ZNF385A: variants seen among roughly 807,000 people sequenced by gnomAD.
ZNF385A encodes zinc finger protein 385A.
ZNF385A carries 14 observed loss-of-function variants against 32.1 expected under a neutral mutation model. The observed-to-expected ratio is 0.44, with a 90% confidence interval of 0.29 to 0.68. ZNF385A has a LOEUF of 0.68. Among genes scored for constraint, ZNF385A ranks in the 30% least tolerant of loss-of-function variants. ZNF385A has a pLI of 0.14. For synonymous variants in ZNF385A, 197 were observed against 202.7 expected (o/e 0.97, Z 0.24); for missense variants, 406 against 478.4 (o/e 0.85, Z 1.41).
Position 54,371,567 on chromosome 12 carries a change from G to GC in ZNF385A, c.509dup (p.Ser170ArgfsTer28). On this transcript the variant is annotated frameshift_variant, in exon 4 of 7. Coordinates refer to ENST00000394313, the MANE Select transcript of ZNF385A (RefSeq NM_015481.3). LOFTEE classifies it high-confidence loss of function. ...GCTTGGCTTTCTCCTCCTCTTCCTT[G>GC]CTACCCCCAGGCAAGGAAGCCGGGG... 1.2e-6 allele frequency: 2 copies of GC among 1,613,726 alleles called. No homozygotes were observed. The highest frequency in any genetic ancestry group is 1.7e-6 in the Non-Finnish European group (2 of 1,179,854).
rs1017760541 is a variant in ZNF385A, at chr12:54,369,345, C to G, written c.*911G>C. The G allele has an allele frequency of 3.9e-5, 6 of 151,960 alleles. No homozygotes were observed. Among genetic ancestry groups the G allele is most frequent in the African/African-American group, 1.5e-4 (6 of 41,238 alleles). The allele number at this position is 151,960 out of a possible 1,614,324, so 9.4% of individuals were successfully genotyped here. ...GGGTGGGGGAGAGGTGTCACACCCC[C>G]GCCCGAGTTGTGCAGTGGAGGTGAC... On this transcript the variant is annotated 3_prime_UTR_variant, in exon 7 of 7. Transcript: ENST00000394313.
At position 54,370,089 on chromosome 12, in the gene ZNF385A, C is replaced by T. The variant is rs1423273735; in HGVS notation, c.*167G>A. On this transcript the variant is annotated 3_prime_UTR_variant, in exon 7 of 7. Transcript: ENST00000394313. The surrounding 1 kb of genome is among the most constrained non-coding windows in gnomAD (Gnocchi z 5.5). ...GGGGTGTTCCCCCCCTTCTGAAGCC[C>T]CCCTCCCCCGCTACCCCTCCCCTTT... The T allele has an allele frequency of 5.5e-6, 3 of 541,030 alleles. No individual in the cohort carries two copies. The highest frequency in any genetic ancestry group is 4.0e-5 in the African/African-American group (2 of 50,060). The allele number at this position is 541,030 out of a possible 1,614,324, so 33.5% of individuals were successfully genotyped here.
intron 1 of ZNF385A, among the ~76,000 whole-genome samples, chr12:54,378,819 G>A (rs1186195826): frequency 6.6e-6 from 1 of 152,118 alleles, no homozygotes; most frequent in Non-Finnish European, 1.5e-5. Flanking sequence ...GAAGTCTGAA[G>A]ATTTGGGGGA....
upstream of ZNF385A, among the ~76,000 whole-genome samples, chr12:54,385,960 GGTCT>G (rs924139659): frequency 3.5e-4 from 53 of 152,154 alleles, no homozygotes; most frequent in South Asian, 1.9e-3. Flanking sequence ...GGTCTGGAGG[GGTCT>G]GTCTCTTTCA....
upstream of ZNF385A, chr12:54,385,198 A>T (rs541633628): frequency 6.6e-6 from 1 of 152,264 alleles, no homozygotes; most frequent in South Asian, 2.1e-4. Context: ...CCTTCTCCCA[A>T]CCTTCCTCAG....
At chr12:54,388,009 T>G (rs1334049151), upstream of ZNF385A, among the ~76,000 whole-genome samples, 1 of 151,500 alleles carries the variant, frequency 6.6e-6, no homozygotes, top group African/African-American at 2.4e-5. Flanking sequence ...CAGGCAGGTT[T>G]GGCAGAAGAG....
At chr12:54,383,678 T>A (rs1955315217) in intron 1 of ZNF385A, among the ~76,000 whole-genome samples, 1 of 152,130 alleles carries the variant, frequency 6.6e-6, no homozygotes, top group Non-Finnish European at 1.5e-5. Context: ...GCGGATCACC[T>A]GAGGTCAGGA....
upstream of ZNF385A, among the ~76,000 whole-genome samples, chr12:54,386,914 GATA>G (rs1359708956): frequency 6.6e-6 from 1 of 152,208 alleles, no homozygotes; most frequent in African/African-American, 2.4e-5. Context: ...TGAAGTAGCT[GATA>G]ATATTTTTCT....
upstream of ZNF385A, chr12:54,385,040 AG>A (rs1406907855): frequency 4.4e-5 from 12 of 272,162 alleles, no homozygotes; most frequent in Non-Finnish European, 6.8e-5. Flanking sequence ...TTAGATTTGG[AG>A]GGGGGCTGCT....
intron 1 of ZNF385A, chr12:54,379,055 G>A (rs1454144587): frequency 3.0e-6 from 3 of 984,296 alleles, no homozygotes; most frequent in East Asian, 1.1e-4. Context: ...AGGAGGGGCC[G>A]GGTGGCTTAC....
In ZNF385A at chr12:54,371,636, C is replaced by T. The variant is rs562210641; in HGVS notation, c.441G>A (p.Pro147=). The change falls in exon 4 of 7, where the codon CCG becomes CCA. Residue 147 remains proline, a synonymous_variant. Transcript: ENST00000394313. ...QPGSPSPPSI[P]ETGQGVTKGE... is the part of the protein sequence containing the mutation. ...CCTTGGTTACACCCTGACCAGTCTC[C>T]GGAATGCTGGGAGGGGATGGGGAGC... 1.2e-5 allele frequency: 20 copies of T among 1,611,464 alleles called. No homozygotes were observed. Among genetic ancestry groups the T allele is most frequent in the Middle Eastern group, 1.7e-4 (1 of 5,974 alleles).
intron 1 of ZNF385A, among the ~76,000 whole-genome samples, chr12:54,380,456 G>C (rs934402846): frequency 7.2e-5 from 11 of 152,186 alleles, no homozygotes; most frequent in African/African-American, 2.7e-4. Context: ...TGACTCCAAA[G>C]CCACGTACTT....
intron 1 of ZNF385A, chr12:54,391,212 C>T: frequency 6.8e-7 from 1 of 1,470,090 alleles, no homozygotes; most frequent in South Asian, 1.3e-5. Context: ...AGCCGGGAGC[C>T]TGGAGTCGCA....
At position 54,369,844 on chromosome 12, in the gene ZNF385A, C is replaced by A; in HGVS notation, c.*412G>T. On this transcript the variant is annotated 3_prime_UTR_variant, in exon 7 of 7. Coordinates refer to ENST00000394313, the MANE Select transcript of ZNF385A (RefSeq NM_015481.3). ...AAGCGCTTCAGTTTGGGGTAGGGAGCCGGAGTCCCAGAGTCCGCTTATTGC... is the reference window on the plus strand; with the variant it reads ...AAGCGCTTCAGTTTGGGGTAGGGAGACGGAGTCCCAGAGTCCGCTTATTGC... 6.3e-6 allele frequency: 1 copy of A among 159,712 alleles called. No individual in the cohort carries two copies. Among genetic ancestry groups the A allele is most frequent in the Non-Finnish European group, 1.4e-5 (1 of 73,032 alleles). The allele number at this position is 159,712 out of a possible 1,614,324, so 9.9% of individuals were successfully genotyped here.
chr12:54,389,051 C>T (rs748212865), upstream of ZNF385A, among the ~76,000 whole-genome samples: 1 of 152,090 alleles, frequency 6.6e-6, no homozygotes, highest in Non-Finnish European at 1.5e-5. Context: ...GCAGGGAGGC[C>T]CCTGGGAAAT....
At chr12:54,372,876 TA>T in intron 3 of ZNF385A, 1 of 216,132 alleles carries the variant, frequency 4.6e-6, no homozygotes, top group South Asian at 4.4e-5. Context: ...CTTTCTATAC[TA>T]AAAATACAAA....
chr12:54,379,325 T>G, intron 1 of ZNF385A: 1 of 392,714 alleles, frequency 2.5e-6, no homozygotes, highest in Non-Finnish European at 3.5e-6. Context: ...GAAAGGGGGC[T>G]AGGGCGGAAA....
chr12:54,377,093 G>T (rs1954883060), intron 1 of ZNF385A, among the ~76,000 whole-genome samples: 1 of 152,242 alleles, frequency 6.6e-6, no homozygotes, highest in Non-Finnish European at 1.5e-5. Context: ...TGAGACACTG[G>T]TGAGAGAACA....
rs1447649333 is a variant in ZNF385A, at chr12:54,373,964, C to G, written c.361+9G>C. The G allele has an allele frequency of 6.8e-7, 1 of 1,478,706 alleles. No homozygotes were observed. The highest frequency in any genetic ancestry group is 1.4e-5 in the African/African-American group (1 of 70,904). 91.6% of individuals were successfully genotyped at this position (1,478,706 alleles called of 1,614,324 possible). On this transcript the variant is annotated intron_variant, in intron 3 of 6. Transcript: ENST00000394313. ...ATCAGTTGAAGAATATGCGGGGATTCAGACACACCTGGACGGGGTGCTACA... is the reference window on the plus strand; with the variant it reads ...ATCAGTTGAAGAATATGCGGGGATTGAGACACACCTGGACGGGGTGCTACA...
Sources: gnomAD v4.1 joint callset for allele counts (sites outside exome capture counted in the v4.1 genomes callset) on GRCh38, gnomAD v4.1.1 for gene constraint, Gnocchi (gnomAD v3.1) non-coding constraint, MANE v1.5 for transcripts, NCBI Gene and HGNC (gene_info 2026-07-23, HGNC 2026-07-21) for gene names.